Variants in MVK observed in about 807,000 individuals in gnomAD.
MVK encodes the protein LH receptor mRNA-binding protein.
A neutral mutation model predicts 43.2 loss-of-function variants in MVK; 34 were observed. The ratio of observed to expected loss-of-function variants is 0.79; its 90% CI spans 0.60 to 1.05. The LOEUF is 1.05. Ranked by LOEUF, MVK falls within the 50% of genes least tolerant of loss-of-function variation. MVK has a pLI of 0.00. For synonymous variants in MVK, 190 were observed against 219.8 expected, an observed-to-expected ratio of 0.86 and a Z score of 1.20; for missense variants, 395 against 504.0, an observed-to-expected ratio of 0.78 and a Z score of 2.07.
rs192656516 is a variant in MVK at position 109,596,989 on chromosome 12, C to T, written c.*412C>T. On this transcript the variant is annotated 3_prime_UTR_variant, in exon 11 of 11. Coordinates refer to ENST00000228510, the MANE Select transcript of MVK (RefSeq NM_000431.4). ...TCTCTCCCTTTTCAGGGACCGCCCC[C>T]TGTCTCTCAGGGCCAGGCCTCTCCC... 4.6e-3 allele frequency: 1,313 copies of T among 283,868 alleles called. 21 individuals are homozygous for T. Among genetic ancestry groups the T allele is most frequent in the African/African-American group, 0.027 (1,228 of 45,754 alleles). The allele number at this position is 283,868 out of a possible 1,614,324, so 17.6% of individuals were successfully genotyped here.
upstream of MVK, chr12:109,573,559 C>G (rs1884759887): frequency 6.7e-7 from 1 of 1,499,682 alleles, no homozygotes; most frequent in Non-Finnish European, 9.0e-7. Context: ...CAGCTGGCCG[C>G]GCCACCGCTC....
Position 109,581,472 on chromosome 12 carries a change from CGGTG to C in MVK, c.450_453del (p.Cys152TrpfsTer6), listed in dbSNP as rs1566144955. The C allele has an allele frequency of 2.5e-6, 4 of 1,614,204 alleles. No homozygotes were observed. The highest frequency in any genetic ancestry group is 2.5e-6 in the Non-Finnish European group (3 of 1,180,026). ...GGCTTGGGCTCCAGCGCCGCCTACT[CGGTG>C]TGTCTGGCAGCAGCCCTCCTGACTG... is the stretch of plus-strand genomic sequence containing the variant. On this transcript the variant is annotated frameshift_variant, in exon 5 of 11. Coordinates refer to ENST00000228510, the MANE Select transcript of MVK (RefSeq NM_000431.4). LOFTEE classifies it high-confidence loss of function.
At chr12:109,594,757 A>AGTG (rs1885840378) in intron 9 of MVK, among the ~76,000 whole-genome samples, 1 of 152,242 alleles carries the variant, frequency 6.6e-6, no homozygotes, top group Non-Finnish European at 1.5e-5. Context: ...ATCCCTGATC[A>AGTG]GTCACCAGTG....
At chr12:109,591,650 T>G (rs1290886171) in intron 9 of MVK, among the ~76,000 whole-genome samples, 2 of 152,222 alleles carry the variant, frequency 1.3e-5, no homozygotes, top group Non-Finnish European at 2.9e-5. Flanking sequence ...TAAGGAGCTC[T>G]GGCCCACGTA....
rs748473454 is a variant in MVK, at chr12:109,595,171, C to T, written c.1029C>T (p.Leu343=). The T allele has an allele frequency of 4.3e-6, 7 of 1,614,062 alleles. No individual in the cohort carries two copies. In the South Asian group the frequency reaches 4.4e-5, roughly 10 times the overall value. The part of the protein sequence containing the change: ...GAGGGGCGIT[L]LKPGLEQPEV... The stretch of plus-strand genomic sequence containing the variant: ...GCGGTGGTGGCTGTGGCATCACACT[C>T]CTCAAGCCAGGTATCCCGGGGGTAG... Residue 343 remains leucine, a synonymous_variant, in exon 10 of 11, where the codon CTC becomes CTT. Coordinates refer to ENST00000228510, the MANE Select transcript of MVK (RefSeq NM_000431.4). This position sits in a 1 kb window ranked among gnomAD's most constrained non-coding sequence, Gnocchi z 5.9.
chr12:109,573,672 G>T, upstream of MVK: 1 of 700,432 alleles, frequency 1.4e-6, no homozygotes, highest in Non-Finnish European at 2.5e-6. Context: ...GGGAAAACCC[G>T]TGTCGGCTTG....
At chr12:109,584,782 G>A (rs1808131843) in intron 5 of MVK, among the ~76,000 whole-genome samples, 1 of 152,214 alleles carries the variant, frequency 6.6e-6, no homozygotes, top group African/African-American at 2.4e-5. Context: ...CTACTCGGGA[G>A]GCTGAGGTAG....
chr12:109,575,853 G>A, intron 2 of MVK, 145 bp from the exon 3 acceptor site: 1 of 958,962 alleles, frequency 1.0e-6, no homozygotes, highest in Non-Finnish European at 1.6e-6. Flanking sequence ...TAGTGGGAGA[G>A]CATGCCAAGG....
upstream of MVK, chr12:109,573,536 G>T (rs888300524): frequency 3.9e-6 from 6 of 1,556,838 alleles, no homozygotes; most frequent in East Asian, 2.3e-5. Context: ...AGTCCGCGGG[G>T]TGACTCCACC....
chr12:109,576,135 A>G lies in MVK; in HGVS notation c.216A>G (p.Thr72=), dbSNP rs758432894. 1.9e-5 allele frequency: 31 copies of G among 1,614,052 alleles called. No individual in the cohort carries two copies. The highest frequency in any genetic ancestry group is 2.6e-5 in the Non-Finnish European group (31 of 1,180,038). ...WDVARLQSLD[T]SFLEQGDVTT... ...TGGCCAGGCTTCAGTCACTGGACAC[A>G]AGCTTTCTGGGTGAGTGCAAGGAGG... The change falls in exon 3 of 11, where the codon ACA becomes ACG. Residue 72 remains threonine, a synonymous_variant. Coordinates refer to ENST00000228510, the MANE Select transcript of MVK (RefSeq NM_000431.4).
intron 3 of MVK, 109 bp from the exon 4 acceptor site, chr12:109,579,693 C>A: frequency 6.9e-7 from 1 of 1,439,390 alleles, no homozygotes; most frequent in Non-Finnish European, 9.7e-7. Context: ...AAATTCGTGT[C>A]CATCCATGTT....
At chr12:109,591,157 C>T in intron 8 of MVK, 84 bp from the exon 9 acceptor site, 1 of 1,308,182 alleles carries the variant, frequency 7.6e-7, no homozygotes, top group Non-Finnish European at 1.1e-6. Context: ...TGAACACCTC[C>T]TCCCTCCACC....
chr12:109,589,172 G>C (rs929056232), intron 7 of MVK: 1 of 152,364 alleles, frequency 6.6e-6, no homozygotes, highest in African/African-American at 2.4e-5. Context: ...CGCTTACCAG[G>C]CTTACCCCCT....
In MVK at chr12:109,574,893, A is replaced by C. The variant is rs144069312; in HGVS notation, c.71A>C (p.His24Pro). 1 of 1,608,698 alleles carries C rather than the reference A, an allele frequency of 6.2e-7. No individual in the cohort carries two copies. Among genetic ancestry groups the C allele is most frequent in the African/African-American group, 1.3e-5 (1 of 74,970 alleles). The change falls in exon 2 of 11, where the codon CAT becomes CCT. Residue 24 changes from histidine (H) to proline (P), a missense_variant. His to Pro is a moderately conservative substitution (Grantham distance 77). Coordinates refer to ENST00000228510, the MANE Select transcript of MVK (RefSeq NM_000431.4). ...CTTCATGGAGAACATGCCGTGGTACATGGCAAGGTACAAAGCCGTTAGAGC... is the reference window on the plus strand; with the variant it reads ...CTTCATGGAGAACATGCCGTGGTACCTGGCAAGGTACAAAGCCGTTAGAGC... ...VILHGEHAVV[H>P]GKVALAVSLN...
chr12:109,582,404 T>C (rs1395193976), intron 5 of MVK, among the ~76,000 whole-genome samples: 1 of 152,156 alleles, frequency 6.6e-6, no homozygotes, highest in Non-Finnish European at 1.5e-5. Context: ...TGGTGTGATC[T>C]TGGCTCACTG....
intron 5 of MVK, among the ~76,000 whole-genome samples, chr12:109,585,269 A>C (rs1283745746): frequency 2.6e-5 from 4 of 152,082 alleles, no homozygotes; most frequent in Non-Finnish European, 5.9e-5. Flanking sequence ...GGAAAGAGTC[A>C]CACCTCTGCC....
chr12:109,575,391 G>A (rs1362568928), intron 2 of MVK, among the ~76,000 whole-genome samples: 1 of 151,516 alleles, frequency 6.6e-6, no homozygotes, highest in African/African-American at 2.4e-5. Flanking sequence ...GTGAACCTAA[G>A]TCTGTCTGAA....
In MVK at chr12:109,581,656, T is replaced by C. The variant is rs533204274; in HGVS notation, c.527+106T>C. ...CCTCCCTGTGAGGTGAGAGGTGTCATAGTGGCCATTTTAACATGAGGAAGC... is the reference window on the plus strand; with the variant it reads ...CCTCCCTGTGAGGTGAGAGGTGTCACAGTGGCCATTTTAACATGAGGAAGC... On this transcript the variant is annotated intron_variant, in intron 5 of 10. Coordinates refer to ENST00000228510, the MANE Select transcript of MVK (RefSeq NM_000431.4). 2.5e-5 allele frequency: 38 copies of C among 1,510,280 alleles called. No individual in the cohort carries two copies. The African/African-American group carries it at 4.4e-4, about 17-fold the overall frequency. 93.6% of individuals were successfully genotyped at this position (1,510,280 alleles called of 1,614,324 possible).
intron 7 of MVK, chr12:109,587,015 T>G (rs1885463734): frequency 1.7e-6 from 1 of 587,914 alleles, no homozygotes; most frequent in Admixed American, 2.7e-5. Context: ...TGCAGAGATA[T>G]CAGAAAGGGA....
Sources: gnomAD v4.1 joint callset for allele counts (sites outside exome capture counted in the v4.1 genomes callset) on GRCh38, gnomAD v4.1.1 for gene constraint, Gnocchi (gnomAD v3.1) non-coding constraint, MANE v1.5 for transcripts, NCBI Gene and HGNC (gene_info 2026-07-23, HGNC 2026-07-21) for gene names.